The following BANP variants were observed in gnomAD, a reference collection of about 807,000 sequenced individuals.
The protein encoded by BANP is BTG3 associated nuclear protein.
Under a neutral mutation model 68.1 loss-of-function variants are expected in BANP, and 11 were observed. The observed-to-expected ratio is 0.16, with a 90% confidence interval of 0.10 to 0.27. The LOEUF is 0.27. Ranked by LOEUF, BANP falls within the 10% of genes least tolerant of loss-of-function variation. BANP has a pLI of 1.00. For missense variants in BANP, 504 were observed against 722.7 expected, an observed-to-expected ratio of 0.70 and a Z score of 3.47; for synonymous variants, 329 against 303.2, an observed-to-expected ratio of 1.09 and a Z score of -0.88.
In BANP at chr16:88,001,299, C is replaced by T. The variant is rs552830380; in HGVS notation, c.363-2996C>T. 2.1e-4 allele frequency among the ~76,000 whole-genome samples: 22 copies of T among 105,444 alleles called. 1 individual carries two copies. The South Asian group carries it at 4.9e-3, about 23-fold the overall frequency. The allele number at this position is 105,444 out of a possible 152,430, so 69.2% of individuals were successfully genotyped here. On this transcript the variant is annotated intron_variant, in intron 4 of 13. Coordinates refer to ENST00000682872, the MANE Select transcript of BANP (RefSeq NM_001386991.1). ...ACCCAGACACGTCAACATGCACGCA[C>T]GTGCGCGGCTAGACTTACCTGTCCT...
At chr16:88,046,792 C>T (rs1287575799) in intron 11 of BANP, among the ~76,000 whole-genome samples, 2 of 152,054 alleles carry the variant, frequency 1.3e-5, no homozygotes, top group African/African-American at 4.8e-5. Context: ...GTTGGCCGGG[C>T]ACGGTGCTTC....
chr16:87,975,017 C>T, intron 1 of BANP, 31 bp from the exon 2 acceptor site: 1 of 1,004,338 alleles, frequency 1.0e-6, no homozygotes, highest in Admixed American at 1.9e-5. Context: ...TGGTTAATGT[C>T]CTCTCCTCCT....
intron 2 of BANP, among the ~76,000 whole-genome samples, chr16:87,979,744 A>G (rs1462797158): frequency 1.3e-5 from 2 of 152,194 alleles, no homozygotes; most frequent in African/African-American, 4.8e-5. Flanking sequence ...GCTCATATGT[A>G]TGCACGTATA....
At chr16:87,970,373 G>C (rs1269214662) in intron 1 of BANP, among the ~76,000 whole-genome samples, 2 of 152,178 alleles carry the variant, frequency 1.3e-5, no homozygotes, top group Admixed American at 6.5e-5. Context: ...GGCAGATAGT[G>C]TGTGTTTTTC....
intron 11 of BANP, among the ~76,000 whole-genome samples, chr16:88,050,101 A>G (rs1567872661): frequency 6.6e-6 from 1 of 152,220 alleles, no homozygotes; most frequent in Non-Finnish European, 1.5e-5. Context: ...CTGATGTGTC[A>G]GTGAAGATTA....
At chr16:88,072,888 C>G (rs953862605) in intron 13 of BANP, among the ~76,000 whole-genome samples, 1 of 152,236 alleles carries the variant, frequency 6.6e-6, no homozygotes, top group Non-Finnish European at 1.5e-5. Flanking sequence ...CCAGCGGGGA[C>G]GTTGTCCTTG....
At chr16:88,010,880 G>A (rs1278703543) in intron 6 of BANP, among the ~76,000 whole-genome samples, 1 of 152,092 alleles carries the variant, frequency 6.6e-6, no homozygotes, top group African/African-American at 2.4e-5. Flanking sequence ...ACCTCGCAGT[G>A]CACGGAATGC....
chr16:88,071,635 G>A lies in BANP; in HGVS notation c.1378-434G>A. 6.5e-6 allele frequency: 3 copies of A among 463,190 alleles called. No individual in the cohort carries two copies. The highest frequency in any genetic ancestry group is 4.6e-5 in the South Asian group (3 of 64,602). The allele number at this position is 463,190 out of a possible 1,614,324, so 28.7% of individuals were successfully genotyped here. ...TCTGCCTTGGGAATGGGGAGGGTTT[G>A]GGTCTCAGCCTCACGCTCACGGTCC... On this transcript the variant is annotated intron_variant, in intron 12 of 13. Transcript: ENST00000682872. The surrounding 1 kb of genome is among the most constrained non-coding windows in gnomAD (Gnocchi z 6.5).
chr16:88,074,379 C>T (rs1270104333), intron 13 of BANP, among the ~76,000 whole-genome samples: 2 of 152,018 alleles, frequency 1.3e-5, no homozygotes, highest in Admixed American at 6.5e-5. Context: ...TGGGGGTGGC[C>T]AATCCTCAAA....
intron 1 of BANP, among the ~76,000 whole-genome samples, chr16:87,967,733 T>A (rs1467929135): frequency 6.6e-6 from 1 of 152,020 alleles, no homozygotes; most frequent in African/African-American, 2.4e-5. Context: ...GTGATTCTGC[T>A]GCCTCAGCCT....
intron 2 of BANP, 110 bp downstream of exon 2, chr16:87,975,295 C>T (rs2061811024): frequency 1.8e-6 from 2 of 1,092,698 alleles, no homozygotes; most frequent in East Asian, 5.1e-5. Context: ...GTAATGCATG[C>T]TGCGTATGAA....
In BANP at chr16:88,027,586, C is replaced by A. The variant is rs761442210; in HGVS notation, c.999C>A (p.Gly333=). 6.2e-7 allele frequency: 1 copy of A among 1,613,682 alleles called. No homozygotes were observed. The highest frequency in any genetic ancestry group is 8.5e-7 in the Non-Finnish European group (1 of 1,179,858). The change falls in exon 8 of 14, where the codon GGC becomes GGA. Residue 333 remains glycine (G), a synonymous_variant. Transcript: ENST00000682872. ...CGGCGTGGCGGCGCAAGCAGCGGGG[C>A]CAGAGCCTGGCGGTCAAGAGCTTCT... ...CRTAWRRKQR[G]QSLAVKSFSR...
At chr16:87,953,949 C>A (rs151212848) in intron 1 of BANP, among the ~76,000 whole-genome samples, 1 of 152,238 alleles carries the variant, frequency 6.6e-6, no homozygotes, top group African/African-American at 2.4e-5. Context: ...CCTCCCTGAA[C>A]GCTCTTGGAT....
chr16:88,004,252 G>A lies in BANP; in HGVS notation c.363-43G>A. Reference sequence around the variant, plus strand: ...ATGTGCTCTTACCATGAATGTTGTTGTTTTAAGGCCTTCTTTTTCTTTGTG... The same window carrying A: ...ATGTGCTCTTACCATGAATGTTGTTATTTTAAGGCCTTCTTTTTCTTTGTG... On this transcript the variant is annotated intron_variant, in intron 4 of 13. Transcript: ENST00000682872. This position sits in a 1 kb window ranked among gnomAD's most constrained non-coding sequence, Gnocchi z 7.0. 1.6e-6 allele frequency: 2 copies of A among 1,213,424 alleles called. No homozygotes were observed. Among genetic ancestry groups the A allele is most frequent in the Non-Finnish European group, 2.4e-6 (2 of 841,730 alleles). The allele number at this position is 1,213,424 out of a possible 1,614,324, so 75.2% of individuals were successfully genotyped here. A position where few individuals can be genotyped will look rare whatever the true frequency, so the allele number is the denominator to read the frequency against.
chr16:88,076,894 G>T lies in BANP; in HGVS notation c.*233G>T. On this transcript the variant is annotated 3_prime_UTR_variant, in exon 14 of 14. Transcript: ENST00000682872. ...TCCTGCTGTTGGTGTCGGAGCACGAGGGGAGGCACGGTGCGGAGAGCGTCG... is the reference window on the plus strand; with the variant it reads ...TCCTGCTGTTGGTGTCGGAGCACGATGGGAGGCACGGTGCGGAGAGCGTCG... 2 of 534,604 alleles carry T rather than the reference G, an allele frequency of 3.7e-6. No homozygotes were observed. Among genetic ancestry groups the T allele is most frequent in the Middle Eastern group, 4.9e-4 (1 of 2,036 alleles). 33.1% of individuals were successfully genotyped at this position (534,604 alleles called of 1,614,324 possible). A position where few individuals can be genotyped will look rare whatever the true frequency, so the allele number is the denominator to read the frequency against.
chr16:87,969,722 C>T lies in BANP; in HGVS notation c.-68-5326C>T, dbSNP rs577678599. On this transcript the variant is annotated intron_variant, in intron 1 of 13. Coordinates refer to ENST00000682872, the MANE Select transcript of BANP (RefSeq NM_001386991.1). Reference sequence around the variant, plus strand: ...TAATTTTTTGTATCTTTAGTAGAGACGGGCTTTCACCATGTTGGCTAGGCT... The same window carrying T: ...TAATTTTTTGTATCTTTAGTAGAGATGGGCTTTCACCATGTTGGCTAGGCT... Among the ~76,000 whole-genome samples, 195 of 151,654 alleles carry T rather than the reference C, an allele frequency of 1.3e-3. 1 individual carries two copies. Among genetic ancestry groups the T allele is most frequent in the African/African-American group, 4.5e-3 (188 of 41,340 alleles).
chr16:88,068,491 T>C (rs1404217742), intron 12 of BANP, among the ~76,000 whole-genome samples: 5 of 152,186 alleles, frequency 3.3e-5, no homozygotes, highest in Non-Finnish European at 7.4e-5. Context: ...GAGACACCTC[T>C]GGGACAGCCC....
intron 6 of BANP, among the ~76,000 whole-genome samples, chr16:88,016,821 A>G (rs1198433912): frequency 1.3e-5 from 2 of 152,182 alleles, no homozygotes; most frequent in African/African-American, 2.4e-5. Context: ...GCATCCCTGT[A>G]CTTCTAAACC....
intron 11 of BANP, among the ~76,000 whole-genome samples, chr16:88,061,446 T>C (rs2086762456): frequency 6.6e-6 from 1 of 152,244 alleles, no homozygotes; most frequent in Admixed American, 6.5e-5. Flanking sequence ...GCCTGCTGTG[T>C]GTGCTCTGTT....
Sources: allele counts gnomAD v4.1 joint callset (sites outside exome capture counted in the v4.1 genomes callset), GRCh38; gene constraint gnomAD v4.1.1; non-coding constraint Gnocchi (gnomAD v3.1); transcripts MANE v1.5; gene names NCBI Gene and HGNC (gene_info 2026-07-23, HGNC 2026-07-21).